EXOC6: variants seen among roughly 807,000 people sequenced by gnomAD.
EXOC6 encodes exocyst complex component 6.
In EXOC6, 60 loss-of-function variants were observed where a neutral mutation model predicts 112.5. That is an observed-to-expected ratio of 0.53 (90% CI 0.43 to 0.66). The LOEUF is 0.66. EXOC6 is among the 30% of genes least tolerant of loss of function. The probability of loss-of-function intolerance (pLI) is 0.00; values close to 1 mark genes in which losing one functional copy is unlikely to be tolerated. For missense variants in EXOC6, 855 were observed against 957.1 expected (o/e 0.89, Z 1.41); for synonymous variants, 295 against 308.0 (o/e 0.96, Z 0.44).
intron 19 of EXOC6, among the ~76,000 whole-genome samples, chr10:93,006,619 C>T (rs1421635324): frequency 3.3e-5 from 5 of 152,144 alleles, no homozygotes; most frequent in African/African-American, 1.2e-4. Flanking sequence ...GGCATAAGTT[C>T]TTCACCACCA....
chr10:93,001,127 A>G (rs1252478759), intron 19 of EXOC6, among the ~76,000 whole-genome samples: 3 of 152,210 alleles, frequency 2.0e-5, no homozygotes, highest in Non-Finnish European at 4.4e-5. Flanking sequence ...TAGGTAGTAG[A>G]AAGGCTAGAG....
At chr10:92,830,019 T>A (rs1243071796), upstream of EXOC6, among the ~76,000 whole-genome samples, 2 of 152,216 alleles carry the variant, frequency 1.3e-5, no homozygotes, top group Non-Finnish European at 2.9e-5. Context: ...ATCTCATGAA[T>A]AATCCACCCC....
chr10:93,034,488 T>C (rs1488123673), intron 20 of EXOC6, among the ~76,000 whole-genome samples: 3 of 152,222 alleles, frequency 2.0e-5, no homozygotes, highest in African/African-American at 4.8e-5. Flanking sequence ...CATAGAAAGA[T>C]AGGAAAACCC....
chr10:92,948,121 T>C (rs1853147450), intron 13 of EXOC6, 153 bp from the exon 14 acceptor site: 1 of 510,564 alleles, frequency 2.0e-6, no homozygotes, highest in Non-Finnish European at 3.5e-6. Flanking sequence ...AATTTTAGAA[T>C]TCTGGATGCT....
At chr10:92,830,903 T>C (rs1411600767), upstream of EXOC6, among the ~76,000 whole-genome samples, 1 of 152,164 alleles carries the variant, frequency 6.6e-6, no homozygotes, top group Non-Finnish European at 1.5e-5. Context: ...TCTTGGAATA[T>C]GGCTGTTTCA....
chr10:92,845,466 T>C (rs1847011737), upstream of EXOC6, among the ~76,000 whole-genome samples: 1 of 148,072 alleles, frequency 6.8e-6, no homozygotes, highest in Non-Finnish European at 1.5e-5. Context: ...GGCAGGAGAA[T>C]CGCTTGAAAG....
At chr10:92,992,618 A>G (rs1327501095) in intron 18 of EXOC6, among the ~76,000 whole-genome samples, 1 of 152,138 alleles carries the variant, frequency 6.6e-6, no homozygotes, top group Admixed American at 6.5e-5. Flanking sequence ...AGTGGTTCTT[A>G]TATAAAATGG....
At chr10:92,948,233 T>C (rs1853156990) in intron 13 of EXOC6, 41 bp from the exon 14 acceptor site, 2 of 1,285,008 alleles carry the variant, frequency 1.6e-6, no homozygotes, top group Admixed American at 4.0e-5. Context: ...TCTAATAATA[T>C]GCTTTGTAAT....
intron 17 of EXOC6, among the ~76,000 whole-genome samples, chr10:92,958,814 G>T (rs982890568): frequency 6.6e-6 from 1 of 152,146 alleles, no homozygotes; most frequent in Non-Finnish European, 1.5e-5. Flanking sequence ...GTAGTAATGA[G>T]GCTGGGTGCA....
In EXOC6 at chr10:93,050,759, C is replaced by CAAAAAAAAAAAAAAAAA. The variant is rs58439083; in HGVS notation, c.2170-6159_2170-6143dup. 7.1e-3 allele frequency among the ~76,000 whole-genome samples: 264 copies of CAAAAAAAAAAAAAAAAA among 37,302 alleles called. 88 individuals are homozygous for CAAAAAAAAAAAAAAAAA. Among genetic ancestry groups the CAAAAAAAAAAAAAAAAA allele is most frequent in the East Asian group, 8.6e-3 (10 of 1,168 alleles). The allele number at this position is 37,302 out of a possible 152,430, so 24.5% of individuals were successfully genotyped here. ...TGGGCAACAAAGCGAGACTCCGTCT[C>CAAAAAAAAAAAAAAAAA]AAAAAAAAAAAAAAAAAAAAAAGAA... is the stretch of plus-strand genomic sequence containing the variant. On this transcript the variant is annotated intron_variant, in intron 20 of 21. Transcript: ENST00000260762.
intron 8 of EXOC6, among the ~76,000 whole-genome samples, chr10:92,921,490 C>T (rs928793534): frequency 6.6e-6 from 1 of 151,900 alleles, no homozygotes; most frequent in African/African-American, 2.4e-5. Context: ...TTAGGTGATC[C>T]ACCCGTCTCG....
chr10:92,958,927 C>T (rs1444453865), intron 17 of EXOC6, among the ~76,000 whole-genome samples: 1 of 152,068 alleles, frequency 6.6e-6, no homozygotes, highest in Non-Finnish European at 1.5e-5. Context: ...AACCCTGTCT[C>T]TACTAAAAAT....
At chr10:93,010,525 C>G (rs1271567699) in intron 19 of EXOC6, among the ~76,000 whole-genome samples, 1 of 151,806 alleles carries the variant, frequency 6.6e-6, no homozygotes, top group Non-Finnish European at 1.5e-5. Context: ...ATGGTGAAAC[C>G]CTCTCTCTAC....
intron 17 of EXOC6, among the ~76,000 whole-genome samples, chr10:92,968,717 A>G (rs773513130): frequency 1.3e-5 from 2 of 152,200 alleles, no homozygotes; most frequent in African/African-American, 2.4e-5. Context: ...CTGGGTGCCA[A>G]TTACTGTTAG....
chr10:92,836,812 G>A (rs1019420762), intron 1 of EXOC6, among the ~76,000 whole-genome samples: 1 of 152,094 alleles, frequency 6.6e-6, no homozygotes, highest in African/African-American at 2.4e-5. Flanking sequence ...GGCCAAATAC[G>A]AGGGTTGAAA....
At chr10:92,883,238 T>A (rs1395427790) in intron 1 of EXOC6, among the ~76,000 whole-genome samples, 1 of 152,252 alleles carries the variant, frequency 6.6e-6, no homozygotes, top group Admixed American at 6.5e-5. Context: ...TTCTATATTT[T>A]GAAATCATTT....
chr10:92,993,668 T>A (rs1843361291), intron 18 of EXOC6, among the ~76,000 whole-genome samples: 1 of 152,228 alleles, frequency 6.6e-6, no homozygotes, highest in Non-Finnish European at 1.5e-5. Context: ...TTTACCTTGT[T>A]ATTTTATGAT....
chr10:92,935,914 A>T, intron 12 of EXOC6, 29 bp downstream of exon 12: 1 of 1,393,370 alleles, frequency 7.2e-7, no homozygotes, highest in Non-Finnish European at 1.0e-6. Flanking sequence ...ATTAATGGTT[A>T]TTCTGATCAC....
At chr10:92,960,608 AG>A (rs890026074) in intron 17 of EXOC6, among the ~76,000 whole-genome samples, 1 of 150,942 alleles carries the variant, frequency 6.6e-6, no homozygotes, top group Non-Finnish European at 1.5e-5. Flanking sequence ...AAAAAAAAAA[AG>A]GCGAACACAC....
Sources: gnomAD v4.1 joint callset for allele counts (sites outside exome capture counted in the v4.1 genomes callset) on GRCh38, gnomAD v4.1.1 for gene constraint, MANE v1.5 for transcripts, NCBI Gene and HGNC (gene_info 2026-07-23, HGNC 2026-07-21) for gene names.